The following LMF1 variants were observed in gnomAD, a reference collection of about 807,000 sequenced individuals.
LMF1 encodes transmembrane protein 112.
Under a neutral mutation model 60.6 loss-of-function variants are expected in LMF1, and 68 were observed. The observed-to-expected ratio is 1.12, with a 90% CI of 0.92 to 1.37. The LOEUF (loss-of-function observed/expected upper bound fraction) is 1.37. LMF1 is among the 40% of genes most tolerant of loss of function. LMF1 has a pLI of 0.00. For synonymous variants in LMF1, 418 were observed against 324.7 expected (o/e 1.29, Z -3.09); for missense variants, 948 against 767.2 (o/e 1.24, Z -2.78).
At chr16:977,750 CA>C (rs1424650611) in intron 1 of LMF1, among the ~76,000 whole-genome samples, 1 of 151,902 alleles carries the variant, frequency 6.6e-6, no homozygotes. Context: ...GAGGGAGGGA[CA>C]GGGGCCTCTC....
At chr16:972,790 C>G (rs1476254303), upstream of LMF1, among the ~76,000 whole-genome samples, 1 of 152,266 alleles carries the variant, frequency 6.6e-6, no homozygotes, top group Non-Finnish European at 1.5e-5. Flanking sequence ...GCTTCCAGCG[C>G]TCCGGGCTCC....
intron 2 of LMF1, among the ~76,000 whole-genome samples, chr16:941,252 CAG>C (rs1222407124): frequency 6.8e-6 from 1 of 148,122 alleles, no homozygotes. Flanking sequence ...TTTTTTGCGA[CAG>C]AGTCTCACTC....
At chr16:936,241 TGGGA>T (rs752666317) in intron 2 of LMF1, among the ~76,000 whole-genome samples, 6 of 138,322 alleles carry the variant, frequency 4.3e-5, no homozygotes, top group Admixed American at 1.4e-4. Context: ...GGAAGGAGGC[TGGGA>T]GGGAGAGAGG....
In LMF1 at chr16:911,099, C is replaced by A; in HGVS notation, c.515-20G>T. On this transcript the variant is annotated intron_variant, in intron 3 of 10. Transcript: ENST00000262301. ...CCCATCCTAAAACAACGAGACATAC[C>A]AAAGGTGAGTTAATGGAAGCCACAC... 6.2e-7 allele frequency: 1 copy of A among 1,605,956 alleles called. No individual in the cohort carries two copies. The highest frequency in any genetic ancestry group is 1.7e-5 in the Admixed American group (1 of 58,352).
chr16:870,285 G>A (rs957425015), intron 8 of LMF1, among the ~76,000 whole-genome samples: 3 of 152,222 alleles, frequency 2.0e-5, no homozygotes, highest in African/African-American at 7.2e-5. Context: ...CACCTTCTCT[G>A]CCCGTGAAGA....
At chr16:892,901 G>T in intron 5 of LMF1, 106 bp downstream of exon 5, 1 of 851,466 alleles carries the variant, frequency 1.2e-6, no homozygotes, top group Non-Finnish European at 1.8e-6. Flanking sequence ...GGGTGACCCT[G>T]TGATGCGACA....
At chr16:919,257 G>A (rs2071364027) in intron 3 of LMF1, among the ~76,000 whole-genome samples, 1 of 152,118 alleles carries the variant, frequency 6.6e-6, no homozygotes, top group Admixed American at 6.5e-5. Flanking sequence ...GGTGTGTCCA[G>A]GGGCTATGTG....
In LMF1 at chr16:962,878, C is replaced by T. The variant is rs114283313; in HGVS notation, c.193+7910G>A. 2.3e-3 allele frequency among the ~76,000 whole-genome samples: 343 copies of T among 152,244 alleles called. 1 individual carries two copies. The highest frequency in any genetic ancestry group is 7.6e-3 in the African/African-American group (317 of 41,542). On this transcript the variant is annotated intron_variant, in intron 1 of 10. Transcript: ENST00000262301. The surrounding 1 kb of genome is among the most constrained non-coding windows in gnomAD (Gnocchi z 4.5). ...CGAAGACTCTGCACCACTCAGTGCCCGGCATGAAGCGCTGTGAGCAGCCTC... is the reference window on the plus strand; with the variant it reads ...CGAAGACTCTGCACCACTCAGTGCCTGGCATGAAGCGCTGTGAGCAGCCTC...
chr16:860,087 T>A (rs2069411581), intron 10 of LMF1, among the ~76,000 whole-genome samples: 2 of 152,018 alleles, frequency 1.3e-5, no homozygotes, highest in Non-Finnish European at 2.9e-5. Context: ...CATTTTCTAA[T>A]AAGATTATTT....
chr16:891,572 G>C (rs1389401930), intron 5 of LMF1, among the ~76,000 whole-genome samples: 2 of 152,228 alleles, frequency 1.3e-5, no homozygotes, highest in African/African-American at 2.4e-5. Flanking sequence ...CTGGCCTGGA[G>C]ACAAGGGGTC....
intron 10 of LMF1, among the ~76,000 whole-genome samples, chr16:862,057 G>C (rs529318732): frequency 1.3e-5 from 2 of 152,310 alleles, no homozygotes; most frequent in African/African-American, 4.8e-5. Flanking sequence ...TCGGTAGCTG[G>C]TAACGTGTGG....
chr16:943,596 G>A (rs1348448697), intron 2 of LMF1, among the ~76,000 whole-genome samples: 1 of 151,668 alleles, frequency 6.6e-6, no homozygotes, highest in Non-Finnish European at 1.5e-5. Context: ...GTGTGGTGGT[G>A]CACACCTATA....
Position 879,573 on chromosome 16 carries a change from G to A in LMF1, c.894C>T (p.Phe298=), listed in dbSNP as rs760946397. The stretch of plus-strand genomic sequence containing the variant: ...AGGGCGGGCGGCGCGGGCTCACCTG[G>A]AACAGGATCTGCAGCACCCCGTGGA... ...CIIHGVLQIL[F]QAVLIVSGNL... Residue 298 remains phenylalanine (F), a synonymous_variant, in exon 6 of 11, where the codon TTC becomes TTT. Transcript: ENST00000262301. 1 of 1,612,804 alleles carries A rather than the reference G, an allele frequency of 6.2e-7. No homozygotes were observed. The highest frequency in any genetic ancestry group is 8.5e-7 in the Non-Finnish European group (1 of 1,179,654).
chr16:907,349 C>A (rs915327475), intron 4 of LMF1, among the ~76,000 whole-genome samples: 2 of 151,762 alleles, frequency 1.3e-5, no homozygotes, highest in Non-Finnish European at 2.9e-5. Context: ...TGCAGTGAGC[C>A]GAGATCGTGC....
intron 4 of LMF1, 90 bp downstream of exon 4, chr16:910,841 G>A: frequency 6.5e-7 from 1 of 1,537,264 alleles, no homozygotes; most frequent in East Asian, 2.3e-5. Flanking sequence ...GGCGGGGGAG[G>A]AAGGAAACAG....
chr16:959,921 G>C (rs1173103283), intron 1 of LMF1, among the ~76,000 whole-genome samples: 8 of 150,878 alleles, frequency 5.3e-5, no homozygotes, highest in African/African-American at 2.0e-4. Flanking sequence ...CCAGGTGAGA[G>C]TCAGAGTCAT....
chr16:935,011 C>A (rs1312298786), intron 2 of LMF1, among the ~76,000 whole-genome samples: 2 of 152,216 alleles, frequency 1.3e-5, no homozygotes, highest in Non-Finnish European at 2.9e-5. Context: ...ACGTAGAAGG[C>A]ACAGCATGTG....
At chr16:880,006 G>C (rs1189599318) in intron 5 of LMF1, among the ~76,000 whole-genome samples, 4 of 152,226 alleles carry the variant, frequency 2.6e-5, no homozygotes. Context: ...CCAGCTGAAG[G>C]AGAGACGACA....
chr16:885,622 G>A (rs1256217990), intron 5 of LMF1, among the ~76,000 whole-genome samples: 3 of 152,214 alleles, frequency 2.0e-5, no homozygotes, highest in South Asian at 2.1e-4. Context: ...ATTCAGAGCA[G>A]AGAATATGAT....
Sources: allele counts gnomAD v4.1 joint callset (sites outside exome capture counted in the v4.1 genomes callset), GRCh38; gene constraint gnomAD v4.1.1; non-coding constraint Gnocchi (gnomAD v3.1); transcripts MANE v1.5; gene names NCBI Gene and HGNC (gene_info 2026-07-23, HGNC 2026-07-21).